The following INTS12 variants were observed in gnomAD, a reference collection of about 807,000 sequenced individuals.
INTS12 encodes integrator complex subunit 12, also known as PHD finger protein 22.
In INTS12, 13 loss-of-function variants were observed where a neutral mutation model predicts 41.6. That is an observed-to-expected ratio of 0.31 (90% CI 0.20 to 0.50). The LOEUF is 0.50. Ranked by LOEUF, INTS12 falls within the 20% of genes least tolerant of loss-of-function variation. INTS12 has a pLI of 0.98. For missense variants in INTS12, 432 were observed against 541.6 expected (o/e 0.80, Z 2.01); for synonymous variants, 199 against 191.4 (o/e 1.04, Z -0.33).
intron 1 of INTS12, among the ~76,000 whole-genome samples, chr4:105,707,718 C>T (rs1247655783): frequency 6.6e-6 from 1 of 152,192 alleles, no homozygotes; most frequent in Non-Finnish European, 1.5e-5. Flanking sequence ...AACTTGATGA[C>T]AGCAGGAACT....
Position 105,692,025 on chromosome 4 carries a change from G to T in INTS12, c.608C>A (p.Pro203His). The T allele has an allele frequency of 6.2e-7, 1 of 1,608,976 alleles. No individual in the cohort carries two copies. The highest frequency in any genetic ancestry group is 2.2e-5 in the East Asian group (1 of 44,576). ...TCGGGCACAATACCACACCAGGCGA[G>T]GGTCATTCGCTTCCTTGTCTGTCAC... ...PQVTDKEAND[P>H]RLVWYCARCT... The change falls in exon 6 of 8, where the codon CCT becomes CAT. Residue 203 changes from proline to histidine, a missense_variant. This residue lies in a region of INTS12 where 258 missense variants were observed against 309.9 expected (regional missense o/e 0.83). Coordinates refer to ENST00000340139, the MANE Select transcript of INTS12 (RefSeq NM_020395.4).
chr4:105,683,412 C>G, intron 7 of INTS12, 95 bp from the exon 8 acceptor site: 1 of 915,258 alleles, frequency 1.1e-6, no homozygotes, highest in South Asian at 1.8e-5. Flanking sequence ...TAAATCACAC[C>G]ACCAAATTAG....
chr4:105,684,029 C>T (rs1731418461), intron 7 of INTS12, among the ~76,000 whole-genome samples: 1 of 152,146 alleles, frequency 6.6e-6, no homozygotes, highest in Non-Finnish European at 1.5e-5. Context: ...GAGTCTCCTG[C>T]TCCTTTAATA....
chr4:105,690,633 G>A (rs949661840), intron 6 of INTS12, among the ~76,000 whole-genome samples: 1 of 151,960 alleles, frequency 6.6e-6, no homozygotes, highest in African/African-American at 2.4e-5. Context: ...GTTAGCTATA[G>A]AAGCTCACCC....
intron 1 of INTS12, among the ~76,000 whole-genome samples, chr4:105,704,760 T>C (rs912397228): frequency 1.3e-5 from 2 of 152,300 alleles, no homozygotes; most frequent in East Asian, 1.9e-4. Flanking sequence ...ATTTACCCTA[T>C]TGCCCAAGCC....
intron 1 of INTS12, among the ~76,000 whole-genome samples, chr4:105,704,440 C>T (rs1470401959): frequency 6.6e-6 from 1 of 152,206 alleles, no homozygotes; most frequent in African/African-American, 2.4e-5. Flanking sequence ...TCTTGGTCTC[C>T]ATTCCTAGGC....
At chr4:105,694,543 C>T (rs1275337825) in intron 4 of INTS12, among the ~76,000 whole-genome samples, 1 of 152,086 alleles carries the variant, frequency 6.6e-6, no homozygotes, top group Non-Finnish European at 1.5e-5. Context: ...CCAGGGTGGC[C>T]AACTCCCGAC....
intron 6 of INTS12, among the ~76,000 whole-genome samples, chr4:105,691,563 A>G (rs1011192556): frequency 2.0e-5 from 3 of 152,180 alleles, no homozygotes; most frequent in African/African-American, 4.8e-5. Flanking sequence ...CTCTGTACAC[A>G]TCTTATCCAT....
In INTS12 at chr4:105,683,892, G is replaced by A. The variant is rs72969245; in HGVS notation, c.805-575C>T. Among the ~76,000 whole-genome samples the A allele has an allele frequency of 6.2e-3, 937 of 152,188 alleles. 8 individuals are homozygous for A. The highest frequency in any genetic ancestry group is 0.021 in the African/African-American group (863 of 41,502). On this transcript the variant is annotated intron_variant, in intron 7 of 7. Coordinates refer to ENST00000340139, the MANE Select transcript of INTS12 (RefSeq NM_020395.4). ...ATGTCCTCCTAAATTTTGAGCAACA[G>A]TTACAGGAGTACAAAATATATGCAA... is the stretch of plus-strand genomic sequence containing the variant.
At chr4:105,695,389 C>T in intron 4 of INTS12, 127 bp downstream of exon 4, 1 of 622,058 alleles carries the variant, frequency 1.6e-6, no homozygotes, top group South Asian at 3.0e-5. Flanking sequence ...TATATATTCA[C>T]TGAGTGTTGA....
At chr4:105,692,221 T>C (rs952997097) in intron 5 of INTS12, 86 bp from the exon 6 acceptor site, 91 of 1,318,376 alleles carry the variant, frequency 6.9e-5, no homozygotes, top group Non-Finnish European at 9.0e-5. Context: ...TGCTGGCTCA[T>C]GCCTGTAATC....
chr4:105,691,580 G>T (rs879293649), intron 6 of INTS12, among the ~76,000 whole-genome samples: 63 of 152,186 alleles, frequency 4.1e-4, no homozygotes, highest in Middle Eastern at 3.2e-3. Context: ...CCATGCGGTG[G>T]TTTAAGCTCA....
intron 7 of INTS12, 149 bp from the exon 8 acceptor site, chr4:105,683,466 A>C (rs1731397073): frequency 1.6e-6 from 1 of 640,324 alleles, no homozygotes; most frequent in Non-Finnish European, 2.6e-6. Context: ...AACAAAACTT[A>C]TCTGTATCTA....
At chr4:105,693,525 G>A in intron 4 of INTS12, 39 bp from the exon 5 acceptor site, 2 of 1,546,324 alleles carry the variant, frequency 1.3e-6, no homozygotes, top group Non-Finnish European at 1.8e-6. Context: ...AAAGTAATGT[G>A]GTAGAATAAA....
At chr4:105,691,575 C>T (rs943658451) in intron 6 of INTS12, among the ~76,000 whole-genome samples, 3 of 152,136 alleles carry the variant, frequency 2.0e-5, no homozygotes, top group Admixed American at 6.5e-5. Flanking sequence ...CTTATCCATG[C>T]GGTGGTTTAA....
Position 105,699,964 on chromosome 4 carries a change from CA to C in INTS12, c.41del (p.Leu14Ter). On this transcript the variant is annotated frameshift_variant, in exon 3 of 8. Coordinates refer to ENST00000340139, the MANE Select transcript of INTS12 (RefSeq NM_020395.4). LOFTEE classifies it high-confidence loss of function. ...TVNLELDPIF[L>X]KALGFLHSKS... ...TTGAATGCAAGAAACCTAGTGCTTTCAAAAAAATGGGATCAAGTTCCAAGTT... is the reference window on the plus strand; with the variant it reads ...TTGAATGCAAGAAACCTAGTGCTTTCAAAAAATGGGATCAAGTTCCAAGTT... 28 of 1,511,216 alleles carry C rather than the reference CA, an allele frequency of 1.9e-5. No individual in the cohort carries two copies. The highest frequency in any genetic ancestry group is 5.3e-5 in the Admixed American group (3 of 56,320). 93.6% of individuals were successfully genotyped at this position (1,511,216 alleles called of 1,614,324 possible). A position where few individuals can be genotyped will look rare whatever the true frequency, so the allele number is the denominator to read the frequency against.
intron 6 of INTS12, among the ~76,000 whole-genome samples, chr4:105,688,150 C>T (rs1166100688): frequency 6.6e-6 from 1 of 152,120 alleles, no homozygotes; most frequent in African/African-American, 2.4e-5. Flanking sequence ...TGAGTGCTAA[C>T]AAAAAGTTAC....
chr4:105,683,274 G>C lies in INTS12; in HGVS notation c.848C>G (p.Ser283Cys). Residue 283 changes from serine to cysteine, a missense_variant, in exon 8 of 8, where the codon TCC becomes TGC. Transcript: ENST00000340139. ...AGTTAAGCCACTAGTTACTGACGAG[G>C]AAACGCTGGCACTAGAAGAATTTCC... Reference protein sequence around the residue: ...ISGNSSSASVSSSVTSGLTGW... With the variant: ...ISGNSSSASVCSSVTSGLTGW... The C allele has an allele frequency of 6.2e-7, 1 of 1,613,666 alleles. No individual in the cohort carries two copies. Among genetic ancestry groups the C allele is most frequent in the Non-Finnish European group, 8.5e-7 (1 of 1,179,836 alleles).
chr4:105,690,098 CA>C (rs1731631945), intron 6 of INTS12, among the ~76,000 whole-genome samples: 1 of 152,094 alleles, frequency 6.6e-6, no homozygotes, highest in Non-Finnish European at 1.5e-5. Flanking sequence ...AGCTGAGAAG[CA>C]GAAAATATGG....
Sources: gnomAD v4.1 joint callset for allele counts (sites outside exome capture counted in the v4.1 genomes callset) on GRCh38, gnomAD v4.1.1 for gene constraint, gnomAD v4.1.1 regional missense constraint, MANE v1.5 for transcripts, NCBI Gene and HGNC (gene_info 2026-07-23, HGNC 2026-07-21) for gene names.